Variants in ABLIM3 observed in about 807,000 individuals in gnomAD.
ABLIM3 encodes the protein actin binding LIM protein family member 3.
Under a neutral mutation model 109.5 loss-of-function variants are expected in ABLIM3, and 61 were observed. That is an observed-to-expected ratio of 0.56 (90% CI 0.45 to 0.69). The LOEUF (loss-of-function observed/expected upper bound fraction) is 0.69. Ranked by LOEUF, ABLIM3 falls within the 30% of genes least tolerant of loss-of-function variation. The pLI is 0.00. For missense variants in ABLIM3, 796 were observed against 889.5 expected (o/e 0.89, Z 1.34); for synonymous variants, 300 against 324.8 (o/e 0.92, Z 0.82).
intron 13 of ABLIM3, 108 bp downstream of exon 13, chr5:149,239,996 A>T: frequency 7.0e-7 from 1 of 1,429,986 alleles, no homozygotes. Flanking sequence ...TCTCCATCAC[A>T]GTGTGGCCCT....
At chr5:149,232,499 T>C (rs986452725) in intron 9 of ABLIM3, among the ~76,000 whole-genome samples, 2 of 152,190 alleles carry the variant, frequency 1.3e-5, no homozygotes, top group Non-Finnish European at 2.9e-5. Context: ...CAGTCCACAA[T>C]TTAGGAAACT....
chr5:149,205,009 G>T (rs1281790098), intron 5 of ABLIM3, among the ~76,000 whole-genome samples: 2 of 152,194 alleles, frequency 1.3e-5, no homozygotes, highest in Admixed American at 6.5e-5. Context: ...GAATTGTGTT[G>T]TTTGCCAATT....
chr5:149,225,569 T>C (rs1021578365), intron 8 of ABLIM3, among the ~76,000 whole-genome samples: 1 of 152,166 alleles, frequency 6.6e-6, no homozygotes, highest in Non-Finnish European at 1.5e-5. Context: ...TTTAAAAAAA[T>C]TTTTATTTCC....
At chr5:149,252,265 G>C in intron 22 of ABLIM3, 57 bp downstream of exon 22, 1 of 1,592,658 alleles carries the variant, frequency 6.3e-7, no homozygotes. Context: ...CGCTACACTG[G>C]GGATCACCAG....
At chr5:149,150,509 A>G (rs1323286883) in intron 2 of ABLIM3, among the ~76,000 whole-genome samples, 1 of 152,240 alleles carries the variant, frequency 6.6e-6, no homozygotes. Context: ...CAAAATGACT[A>G]TAACACATCT....
chr5:149,234,292 C>T (rs1762141415), intron 10 of ABLIM3, among the ~76,000 whole-genome samples: 1 of 152,146 alleles, frequency 6.6e-6, no homozygotes, highest in Non-Finnish European at 1.5e-5. Flanking sequence ...CTGAAACGAG[C>T]AGAAAACCTC....
At chr5:149,209,743 G>T (rs1222933767) in intron 6 of ABLIM3, among the ~76,000 whole-genome samples, 1 of 152,200 alleles carries the variant, frequency 6.6e-6, no homozygotes. Flanking sequence ...GTTGGGGGAG[G>T]TGTGTCTCAG....
In ABLIM3 at chr5:149,183,644, A is replaced by G. The variant is rs2127475620; in HGVS notation, c.151+55A>G. 3.4e-6 allele frequency: 5 copies of G among 1,461,186 alleles called. No individual in the cohort carries two copies. In the East Asian group the frequency reaches 7.7e-5, roughly 23 times the overall value. The allele number at this position is 1,461,186 out of a possible 1,614,324, so 90.5% of individuals were successfully genotyped here. ...TTAGATTCCTGACCATTCTTGCACC[A>G]TCAGGTCATGCCTCAGGGGCAGAAA... On this transcript the variant is annotated intron_variant, in intron 3 of 23. Transcript: ENST00000309868.
chr5:149,205,799 C>T (rs1758908428), intron 5 of ABLIM3, among the ~76,000 whole-genome samples: 1 of 152,208 alleles, frequency 6.6e-6, no homozygotes, highest in South Asian at 2.1e-4. Flanking sequence ...CACGCAACAG[C>T]CAAGAGGCGG....
In ABLIM3 at chr5:149,200,462, G is replaced by A. The variant is rs6580602; in HGVS notation, c.448+34G>A. On this transcript the variant is annotated intron_variant, in intron 5 of 23. Transcript: ENST00000309868. ...TCCCCACGGGTATCTCCCTGTCCAT[G>A]GGTGTGATCTCTCTGGGCTCCCCTT... is the stretch of plus-strand genomic sequence containing the variant. 1,029,206 of 1,595,658 alleles carry A rather than the reference G, an allele frequency of 0.65. 334,267 individuals are homozygous for A. Among genetic ancestry groups the A allele is most frequent in the Middle Eastern group, 0.77 (4,636 of 5,990 alleles).
chr5:149,258,825 G>A lies in ABLIM3; in HGVS notation c.*421G>A. 1.0e-6 allele frequency: 1 copy of A among 990,738 alleles called. No homozygotes were observed. The highest frequency in any genetic ancestry group is 1.2e-6 in the Non-Finnish European group (1 of 833,670). The allele number at this position is 990,738 out of a possible 1,614,324, so 61.4% of individuals were successfully genotyped here. A position where few individuals can be genotyped will look rare whatever the true frequency, so the allele number is the denominator to read the frequency against. On this transcript the variant is annotated 3_prime_UTR_variant, in exon 24 of 24. Transcript: ENST00000309868. ...TTGGCCCCAGAGGGGCCCTCCCATG[G>A]GAAGATCTGCAGCAGTCTCCCCAAA...
intron 2 of ABLIM3, among the ~76,000 whole-genome samples, chr5:149,170,228 T>TTTTCTCTCTC (rs1554082423): frequency 1.4e-3 from 174 of 124,650 alleles, no homozygotes; most frequent in African/African-American, 5.2e-3. Context: ...AGGGTTCTGT[T>TTTTCTCTCTC]TCTCTCTCTC....
chr5:149,145,145 C>T (rs1377305746), intron 2 of ABLIM3, among the ~76,000 whole-genome samples: 2 of 152,108 alleles, frequency 1.3e-5, no homozygotes, highest in African/African-American at 2.4e-5. Context: ...CTCCTCCCTC[C>T]CTTCCCCCTC....
chr5:149,227,076 A>C (rs1581180410), intron 8 of ABLIM3, among the ~76,000 whole-genome samples: 1 of 56,580 alleles, frequency 1.8e-5, no homozygotes. Context: ...ATCTCAAAAA[A>C]AAAAAAAAAA....
In ABLIM3 at chr5:149,198,826, A is replaced by G. The variant is rs1456207177; in HGVS notation, c.335+424A>G. Among the ~76,000 whole-genome samples the G allele has an allele frequency of 6.6e-6, 1 of 152,156 alleles. No individual in the cohort carries two copies. Among genetic ancestry groups the G allele is most frequent in the African/African-American group, 2.4e-5 (1 of 41,430 alleles). On this transcript the variant is annotated intron_variant, in intron 4 of 23. Coordinates refer to ENST00000309868, the MANE Select transcript of ABLIM3 (RefSeq NM_014945.5). This position sits in a 1 kb window ranked among gnomAD's most constrained non-coding sequence, Gnocchi z 4.2. Reference sequence around the variant, plus strand: ...TCCTCCATCATCCTGGCACCACCTCATGCTGTTGGAGTGACCCTGGCAAGT... The same window carrying G: ...TCCTCCATCATCCTGGCACCACCTCGTGCTGTTGGAGTGACCCTGGCAAGT...
At chr5:149,230,195 C>A (rs1025109938) in intron 8 of ABLIM3, among the ~76,000 whole-genome samples, 4 of 152,324 alleles carry the variant, frequency 2.6e-5, no homozygotes, top group Admixed American at 1.3e-4. Flanking sequence ...GTACGGATCT[C>A]TTCTAAGAGC....
chr5:149,148,168 T>A (rs1753100772), intron 2 of ABLIM3, among the ~76,000 whole-genome samples: 1 of 152,238 alleles, frequency 6.6e-6, no homozygotes, highest in South Asian at 2.1e-4. Context: ...GCATGCTTAG[T>A]CAGTGGCTCT....
intron 2 of ABLIM3, among the ~76,000 whole-genome samples, chr5:149,153,172 T>G (rs994881958): frequency 6.6e-6 from 1 of 152,102 alleles, no homozygotes; most frequent in African/African-American, 2.4e-5. Context: ...CACTTCAAAA[T>G]TTAATAAATT....
chr5:149,228,314 C>A (rs908902226), intron 8 of ABLIM3, among the ~76,000 whole-genome samples: 1 of 152,168 alleles, frequency 6.6e-6, no homozygotes, highest in Non-Finnish European at 1.5e-5. Context: ...TAAGTCTCTT[C>A]TTCAGGGTAA....
Sources: allele counts gnomAD v4.1 joint callset (sites outside exome capture counted in the v4.1 genomes callset), GRCh38; gene constraint gnomAD v4.1.1; non-coding constraint Gnocchi (gnomAD v3.1); transcripts MANE v1.5; gene names NCBI Gene and HGNC (gene_info 2026-07-23, HGNC 2026-07-21).